ST8SIA3: variants seen among roughly 807,000 people sequenced by gnomAD.
ST8SIA3 encodes the protein alpha-N-acetylneuraminate alpha-2,8-sialyltransferase ST8SIA3.
A neutral mutation model predicts 34.5 loss-of-function variants in ST8SIA3; 17 were observed. The ratio of observed to expected loss-of-function variants is 0.49; its 90% CI spans 0.34 to 0.74. ST8SIA3 has a LOEUF of 0.74. Among genes scored for constraint, ST8SIA3 ranks in the 30% least tolerant of loss-of-function variants. ST8SIA3 has a pLI of 0.01. For missense variants in ST8SIA3, 354 were observed against 467.8 expected (o/e 0.76, Z 2.24); for synonymous variants, 172 against 176.1 (o/e 0.98, Z 0.19).
In ST8SIA3 at chr18:57,357,211, G is replaced by A; in HGVS notation, c.601G>A (p.Val201Ile). 6.2e-7 allele frequency: 1 copy of A among 1,614,140 alleles called. No individual in the cohort carries two copies. The highest frequency in any genetic ancestry group is 1.1e-5 in the South Asian group (1 of 91,084). The change falls in exon 3 of 4, where the codon GTT becomes ATT. Residue 201 changes from valine to isoleucine, a missense_variant. Physicochemically the swap from Val to Ile is conservative, Grantham distance 29. Around this residue, in one of 3 missense-constraint regions of ST8SIA3, gnomAD observed 166 missense variants for 245.2 expected, o/e 0.68. Coordinates refer to ENST00000324000, the MANE Select transcript of ST8SIA3 (RefSeq NM_015879.3). ...FAPTEAFQRD[V>I]GRKTNLTTFN... ...CCCTACGGAGGCTTTCCAAAGAGAT[G>A]TTGGAAGAAAAACCAATCTTACCAC... is the stretch of plus-strand genomic sequence containing the variant.
rs1179108410 is a variant in ST8SIA3 at position 57,365,323 on chromosome 18, A to G, written c.*5046A>G. 1 of 152,226 alleles carries G rather than the reference A, an allele frequency of 6.6e-6. No homozygotes were observed. The highest frequency in any genetic ancestry group is 2.4e-5 in the African/African-American group (1 of 41,464). The allele number at this position is 152,226 out of a possible 1,614,324, so 9.4% of individuals were successfully genotyped here. On this transcript the variant is annotated 3_prime_UTR_variant, in exon 4 of 4. Transcript: ENST00000324000. ...GTTATCATGTTAAATGGCAATATAG[A>G]CACAGTCTTAGTGATTCAACAATTC... is the stretch of plus-strand genomic sequence containing the variant.
chr18:57,365,586 G>A lies in ST8SIA3; in HGVS notation c.*5309G>A, dbSNP rs1388883041. Reference sequence around the variant, plus strand: ...ACAGGGAACTGAAGTGATTCATTCAGATTCAATTTGGAAGTCATTCCCAGA... The same window carrying A: ...ACAGGGAACTGAAGTGATTCATTCAAATTCAATTTGGAAGTCATTCCCAGA... On this transcript the variant is annotated 3_prime_UTR_variant, in exon 4 of 4. Coordinates refer to ENST00000324000, the MANE Select transcript of ST8SIA3 (RefSeq NM_015879.3). 1 of 152,204 alleles carries A rather than the reference G, an allele frequency of 6.6e-6. No individual in the cohort carries two copies. Among genetic ancestry groups the A allele is most frequent in the East Asian group, 1.9e-4 (1 of 5,194 alleles). The allele number at this position is 152,204 out of a possible 1,614,324, so 9.4% of individuals were successfully genotyped here.
rs1315959330 is a variant in ST8SIA3, at chr18:57,368,701, A to G, written c.*8424A>G. The G allele has an allele frequency of 6.6e-6, 1 of 152,226 alleles. No individual in the cohort carries two copies. The highest frequency in any genetic ancestry group is 1.5e-5 in the Non-Finnish European group (1 of 68,046). 9.4% of individuals were successfully genotyped at this position (152,226 alleles called of 1,614,324 possible). A position where few individuals can be genotyped will look rare whatever the true frequency, so the allele number is the denominator to read the frequency against. The stretch of plus-strand genomic sequence containing the variant: ...CCACAGAGACCCAAGAGAAGCCAGC[A>G]CTGCTAGACTGAGGAACTTGTAAAT... On this transcript the variant is annotated 3_prime_UTR_variant, in exon 4 of 4. Transcript: ENST00000324000.
chr18:57,358,648 G>A (rs1210248810), intron 3 of ST8SIA3, among the ~76,000 whole-genome samples: 1 of 152,136 alleles, frequency 6.6e-6, no homozygotes, highest in Non-Finnish European at 1.5e-5. Flanking sequence ...GACAAACTGG[G>A]ACTGTCCCAG....
chr18:57,360,220 G>A lies in ST8SIA3; in HGVS notation c.1086G>A (p.Leu362=), dbSNP rs1416523126. The A allele has an allele frequency of 4.3e-6, 7 of 1,613,986 alleles. No individual in the cohort carries two copies. In the African/African-American group the frequency reaches 9.3e-5, roughly 22 times the overall value. ...ACCAGCTGCCTGCTGAGTTTCAGCT[G>A]CTGTACCGAATGCATGGGGAAGGGC... The part of the protein sequence containing the change: ...ESHQLPAEFQ[L]LYRMHGEGLT... Residue 362 remains leucine, a synonymous_variant, in exon 4 of 4, where the codon CTG becomes CTA. Coordinates refer to ENST00000324000, the MANE Select transcript of ST8SIA3 (RefSeq NM_015879.3).
chr18:57,358,496 C>T (rs2049811156), intron 3 of ST8SIA3, among the ~76,000 whole-genome samples: 1 of 152,076 alleles, frequency 6.6e-6, no homozygotes, highest in Non-Finnish European at 1.5e-5. Flanking sequence ...GTTGACCTCT[C>T]ATAGGAGGAG....
At chr18:57,357,891 G>A (rs778751780) in intron 3 of ST8SIA3, among the ~76,000 whole-genome samples, 1 of 152,108 alleles carries the variant, frequency 6.6e-6, no homozygotes, top group Non-Finnish European at 1.5e-5. Context: ...TTTATGTTTT[G>A]TAGATGTCCA....
chr18:57,356,948 AT>A lies in ST8SIA3; in HGVS notation c.343del (p.Ser115LeufsTer2). The A allele has an allele frequency of 2.5e-6, 4 of 1,600,370 alleles. No individual in the cohort carries two copies. The highest frequency in any genetic ancestry group is 2.6e-6 in the Non-Finnish European group (3 of 1,173,888). On this transcript the variant is annotated frameshift_variant, in exon 3 of 4. Transcript: ENST00000324000. LOFTEE classifies it high-confidence loss of function. ...EILQHVDVIK[N>X]FSLTKNSVRI... ...CTTCAGCATGTCGATGTAATAAAAA[AT>A]TTTTCTTTGACCAAGAATAGTGTTC...
Position 57,357,414 on chromosome 18 carries a change from A to T in ST8SIA3, c.804A>T (p.Arg268Ser). The change falls in exon 3 of 4, where the codon AGA (arginine) becomes AGT (serine). Residue 268 changes from arginine (R) to serine (S), a missense_variant. Around this residue, in one of 3 missense-constraint regions of ST8SIA3, gnomAD observed 166 missense variants for 245.2 expected, o/e 0.68. Transcript: ENST00000324000. ...TAGTTGACTTTTTTGTTGAACACAGAGGTCAGTTAAAAGTCCAACTGGCTT... is the reference window on the plus strand; with the variant it reads ...TAGTTGACTTTTTTGTTGAACACAGTGGTCAGTTAAAAGTCCAACTGGCTT... ...RTLVDFFVEH[R>S]GQLKVQLAWP... The T allele has an allele frequency of 1.9e-6, 3 of 1,612,942 alleles. No homozygotes were observed. Among genetic ancestry groups the T allele is most frequent in the Non-Finnish European group, 2.5e-6 (3 of 1,179,936 alleles).
Position 57,365,974 on chromosome 18 carries a change from G to C in ST8SIA3, c.*5697G>C, listed in dbSNP as rs1365373536. Reference sequence around the variant, plus strand: ...GTTTAACAACTGGCTCTGGAAAACAGTGGAACCCAGATTTTTAGCACCTAC... The same window carrying C: ...GTTTAACAACTGGCTCTGGAAAACACTGGAACCCAGATTTTTAGCACCTAC... On this transcript the variant is annotated 3_prime_UTR_variant, in exon 4 of 4. Transcript: ENST00000324000. The C allele has an allele frequency of 6.6e-6, 1 of 152,206 alleles. No homozygotes were observed. Among genetic ancestry groups the C allele is most frequent in the East Asian group, 1.9e-4 (1 of 5,188 alleles). The allele number at this position is 152,206 out of a possible 1,614,324, so 9.4% of individuals were successfully genotyped here. A position where few individuals can be genotyped will look rare whatever the true frequency, so the allele number is the denominator to read the frequency against.
In ST8SIA3 at chr18:57,353,146, G is replaced by C; in HGVS notation, c.179+121G>C. ...GAGACTCTTTGGGCCAGATAACTGC[G>C]CGGTCCTTCCACTCCTCTCTCTAAT... On this transcript the variant is annotated intron_variant, in intron 1 of 3. Coordinates refer to ENST00000324000, the MANE Select transcript of ST8SIA3 (RefSeq NM_015879.3). The C allele has an allele frequency of 5.2e-6, 5 of 954,852 alleles. No homozygotes were observed. In the South Asian group the frequency reaches 8.0e-5, roughly 15 times the overall value. 59.1% of individuals were successfully genotyped at this position (954,852 alleles called of 1,614,324 possible). A position where few individuals can be genotyped will look rare whatever the true frequency, so the allele number is the denominator to read the frequency against.
chr18:57,358,555 G>A (rs1314640922), intron 3 of ST8SIA3, among the ~76,000 whole-genome samples: 1 of 150,182 alleles, frequency 6.7e-6, no homozygotes, highest in Non-Finnish European at 1.5e-5. Context: ...AGAGGGTAGA[G>A]TGATGCCATA....
Position 57,360,291 on chromosome 18 carries a change from A to G in ST8SIA3, c.*14A>G. The G allele has an allele frequency of 1.2e-6, 2 of 1,608,138 alleles. No individual in the cohort carries two copies. Among genetic ancestry groups the G allele is most frequent in the Non-Finnish European group, 1.7e-6 (2 of 1,175,760 alleles). ...CACTGTGCCTAAGAACTCCAAACGGAAAGCGCCAAATGGCTGTTTAAAAAG... is the reference window on the plus strand; with the variant it reads ...CACTGTGCCTAAGAACTCCAAACGGGAAGCGCCAAATGGCTGTTTAAAAAG... On this transcript the variant is annotated 3_prime_UTR_variant, in exon 4 of 4. Transcript: ENST00000324000.
At chr18:57,354,029 C>T (rs1427633817) in intron 1 of ST8SIA3, among the ~76,000 whole-genome samples, 1 of 152,244 alleles carries the variant, frequency 6.6e-6, no homozygotes, top group Admixed American at 6.5e-5. Flanking sequence ...AAAAACAATT[C>T]TATGGGGCTG....
chr18:57,359,516 G>A lies in ST8SIA3; in HGVS notation c.861-479G>A, dbSNP rs546960691. ...AGGTTTGAGAAAGGAAGAGACGGAG[G>A]AGTTTCCCTTAGATTAAATGACCTC... On this transcript the variant is annotated intron_variant, in intron 3 of 3. Transcript: ENST00000324000. Among the ~76,000 whole-genome samples the A allele has an allele frequency of 2.0e-5, 3 of 152,250 alleles. No individual in the cohort carries two copies. The East Asian group carries it at 5.8e-4, about 29-fold the overall frequency.
In ST8SIA3 at chr18:57,360,476, T is replaced by G; in HGVS notation, c.*199T>G. 1.7e-6 allele frequency: 1 copy of G among 577,388 alleles called. No homozygotes were observed. Among genetic ancestry groups the G allele is most frequent in the Non-Finnish European group, 3.0e-6 (1 of 330,094 alleles). 35.8% of individuals were successfully genotyped at this position (577,388 alleles called of 1,614,324 possible). On this transcript the variant is annotated 3_prime_UTR_variant, in exon 4 of 4. Transcript: ENST00000324000. ...GACAGATGCATTGAAGCCACATGGTTTAGACTTGATTGATAAAGGGAATGT... is the reference window on the plus strand; with the variant it reads ...GACAGATGCATTGAAGCCACATGGTGTAGACTTGATTGATAAAGGGAATGT...
rs539341992 is a variant in ST8SIA3 at position 57,356,663 on chromosome 18, G to A, written c.303-250G>A. The stretch of plus-strand genomic sequence containing the variant: ...CTCTTCACGTAGAGCAGAAAACCAA[G>A]GTATGGCAGCTAAAACTGTAAGTTG... On this transcript the variant is annotated intron_variant, in intron 2 of 3. Transcript: ENST00000324000. 5.3e-5 allele frequency among the ~76,000 whole-genome samples: 8 copies of A among 152,282 alleles called. No homozygotes were observed. In the South Asian group the frequency reaches 1.7e-3, roughly 32 times the overall value.
rs540682261 is a variant in ST8SIA3 at position 57,366,473 on chromosome 18, A to G, written c.*6196A>G. On this transcript the variant is annotated 3_prime_UTR_variant, in exon 4 of 4. Transcript: ENST00000324000. Reference sequence around the variant, plus strand: ...GATCTTTTTTAAAAAATCTATACCTATAGTTCATCACTTGTTTCCCCAACT... The same window carrying G: ...GATCTTTTTTAAAAAATCTATACCTGTAGTTCATCACTTGTTTCCCCAACT... 2 of 152,348 alleles carry G rather than the reference A, an allele frequency of 1.3e-5. No homozygotes were observed. The highest frequency in any genetic ancestry group is 1.3e-4 in the Admixed American group (2 of 15,274). The allele number at this position is 152,348 out of a possible 1,614,324, so 9.4% of individuals were successfully genotyped here.
chr18:57,357,765 TCAC>T (rs1365289189), intron 3 of ST8SIA3, among the ~76,000 whole-genome samples: 4 of 152,200 alleles, frequency 2.6e-5, no homozygotes, highest in South Asian at 4.1e-4. Context: ...GTCATGGAAA[TCAC>T]CACAAATCAA....
Sources: allele counts gnomAD v4.1 joint callset (sites outside exome capture counted in the v4.1 genomes callset), GRCh38; gene constraint gnomAD v4.1.1; regional missense constraint gnomAD v4.1.1; transcripts MANE v1.5; gene names NCBI Gene and HGNC (gene_info 2026-07-23, HGNC 2026-07-21).